Variants in UST observed in about 807,000 individuals in gnomAD.
UST encodes the protein chondroitin sulfate 2-O-sulfotransferase.
Under a neutral mutation model 45.6 loss-of-function variants are expected in UST, and 21 were observed. The observed-to-expected ratio is 0.46, with a 90% confidence interval of 0.33 to 0.66. The LOEUF is 0.66. Among genes scored for constraint, UST ranks in the 30% least tolerant of loss-of-function variants. The pLI, the probability that UST is intolerant of heterozygous loss-of-function variation, is 0.02. For missense variants in UST, 463 were observed against 512.4 expected (o/e 0.90, Z 0.93); for synonymous variants, 215 against 200.6 (o/e 1.07, Z -0.61).
intron 1 of UST, among the ~76,000 whole-genome samples, chr6:148,779,851 G>A (rs1033076595): frequency 2.0e-5 from 3 of 152,178 alleles, no homozygotes; most frequent in Admixed American, 6.5e-5. Flanking sequence ...TTAACTTAGT[G>A]TTTCTCAGTG....
At chr6:148,975,655 C>G (rs1781001804) in intron 5 of UST, among the ~76,000 whole-genome samples, 1 of 151,986 alleles carries the variant, frequency 6.6e-6, no homozygotes, top group African/African-American at 2.4e-5. Context: ...TTACAGTTAT[C>G]TCAATAAAAT....
intron 3 of UST, among the ~76,000 whole-genome samples, chr6:148,942,427 A>G (rs781645609): frequency 3.3e-5 from 5 of 152,072 alleles, no homozygotes; most frequent in Non-Finnish European, 7.4e-5. Context: ...GCATGGTGGC[A>G]CGTGCCTGTA....
intron 1 of UST, among the ~76,000 whole-genome samples, chr6:148,849,453 C>T (rs1006158452): frequency 3.9e-5 from 6 of 152,098 alleles, no homozygotes; most frequent in East Asian, 3.9e-4. Flanking sequence ...AAGTTTATTC[C>T]GGGCAGTTTA....
At chr6:148,825,052 G>A (rs1204375186) in intron 1 of UST, among the ~76,000 whole-genome samples, 1 of 151,864 alleles carries the variant, frequency 6.6e-6, no homozygotes, top group Non-Finnish European at 1.5e-5. Context: ...GTGTATATGT[G>A]CCACATTTTC....
chr6:148,754,808 G>A (rs1207083063), intron 1 of UST, among the ~76,000 whole-genome samples: 1 of 152,134 alleles, frequency 6.6e-6, no homozygotes, highest in African/African-American at 2.4e-5. Flanking sequence ...ATATGTAAAT[G>A]AGTTTTAAAG....
intron 5 of UST, among the ~76,000 whole-genome samples, chr6:149,000,320 A>G (rs1781523654): frequency 1.3e-5 from 2 of 152,232 alleles, no homozygotes; most frequent in South Asian, 4.1e-4. Flanking sequence ...CTTTGTAAGC[A>G]AATGTGTAAT....
At chr6:148,837,191 TG>T (rs965100288) in intron 1 of UST, among the ~76,000 whole-genome samples, 1 of 152,188 alleles carries the variant, frequency 6.6e-6, no homozygotes, top group Non-Finnish European at 1.5e-5. Context: ...GGAGCAATTT[TG>T]GACCATTGAA....
intron 2 of UST, among the ~76,000 whole-genome samples, chr6:148,937,629 G>A (rs555145775): frequency 6.6e-6 from 1 of 152,298 alleles, no homozygotes; most frequent in South Asian, 2.1e-4. Context: ...TTCTAGGTAA[G>A]TGCCTCAGTT....
chr6:148,843,517 CGGTTCTGTCT>C (rs1777926071), intron 1 of UST, among the ~76,000 whole-genome samples: 1 of 152,178 alleles, frequency 6.6e-6, no homozygotes, highest in Non-Finnish European at 1.5e-5. Context: ...TTATTTACTT[CGGTTCTGTCT>C]GGTAGAAAAT....
At chr6:148,815,601 T>C (rs1237652029) in intron 1 of UST, among the ~76,000 whole-genome samples, 2 of 152,106 alleles carry the variant, frequency 1.3e-5, no homozygotes, top group South Asian at 4.2e-4. Flanking sequence ...CCCTTTAATT[T>C]TAATGTGTAT....
chr6:148,804,817 A>G (rs1777116356), intron 1 of UST, among the ~76,000 whole-genome samples: 1 of 130,310 alleles, frequency 7.7e-6, no homozygotes, highest in South Asian at 2.2e-4. Context: ...TTTATATGTA[A>G]ATATATATAT....
Position 148,882,350 on chromosome 6 carries a change from T to G in UST, c.248-4636T>G, listed in dbSNP as rs7766114. Reference sequence around the variant, plus strand: ...AAAATACAAAAATTAGCTGGGCATGTTGGCGGGTGCCTGTAATCCCAGCTA... The same window carrying G: ...AAAATACAAAAATTAGCTGGGCATGGTGGCGGGTGCCTGTAATCCCAGCTA... On this transcript the variant is annotated intron_variant, in intron 1 of 7. Transcript: ENST00000367463. 3.4e-3 allele frequency among the ~76,000 whole-genome samples: 515 copies of G among 151,972 alleles called. 5 individuals carry two copies. Among genetic ancestry groups the G allele is most frequent in the African/African-American group, 0.012 (485 of 41,448 alleles).
At chr6:148,909,390 G>C (rs961532282) in intron 2 of UST, among the ~76,000 whole-genome samples, 2 of 152,128 alleles carry the variant, frequency 1.3e-5, no homozygotes, top group African/African-American at 4.8e-5. Flanking sequence ...GCTCAGATAC[G>C]GTCATGGTTT....
intron 1 of UST, among the ~76,000 whole-genome samples, chr6:148,852,119 C>T (rs1446429720): frequency 2.0e-5 from 3 of 152,320 alleles, no homozygotes; most frequent in Non-Finnish European, 4.4e-5. Context: ...GCGTTTTTAC[C>T]TGCACCCATG....
chr6:148,829,342 G>A (rs934935049), intron 1 of UST, among the ~76,000 whole-genome samples: 2 of 152,220 alleles, frequency 1.3e-5, no homozygotes, highest in Admixed American at 1.3e-4. Flanking sequence ...AGCCATGTGA[G>A]CAGGCACCCT....
chr6:149,042,130 A>T (rs1273952759), intron 7 of UST, among the ~76,000 whole-genome samples: 1 of 152,222 alleles, frequency 6.6e-6, no homozygotes, highest in Non-Finnish European at 1.5e-5. Flanking sequence ...TGACTTAGGC[A>T]CTTTTATTAT....
At chr6:148,994,132 C>A (rs1781405585) in intron 5 of UST, among the ~76,000 whole-genome samples, 1 of 151,814 alleles carries the variant, frequency 6.6e-6, no homozygotes, top group African/African-American at 2.4e-5. Context: ...AGCACGCTGG[C>A]TAATTTTTTT....
At chr6:148,750,713 TA>T (rs977675421) in intron 1 of UST, among the ~76,000 whole-genome samples, 8 of 152,132 alleles carry the variant, frequency 5.3e-5, no homozygotes, top group African/African-American at 1.9e-4. Context: ...GTACTCTGAG[TA>T]TCTTGAGGAG....
intron 5 of UST, among the ~76,000 whole-genome samples, chr6:148,967,926 G>C (rs1384241726): frequency 6.6e-6 from 1 of 152,216 alleles, no homozygotes; most frequent in Non-Finnish European, 1.5e-5. Flanking sequence ...ATCTTGTGAG[G>C]CAGGGTGGTT....
Sources: gnomAD v4.1 joint callset for allele counts (sites outside exome capture counted in the v4.1 genomes callset) on GRCh38, gnomAD v4.1.1 for gene constraint, MANE v1.5 for transcripts, NCBI Gene and HGNC (gene_info 2026-07-23, HGNC 2026-07-21) for gene names.